The following WDR59 variants were observed in gnomAD, a reference collection of about 807,000 sequenced individuals.
WDR59 encodes the protein WD repeat domain 59.
Under a neutral mutation model 131.2 loss-of-function variants are expected in WDR59, and 100 were observed. The observed-to-expected ratio is 0.76, with a 90% CI of 0.65 to 0.90. The LOEUF (loss-of-function observed/expected upper bound fraction) is 0.90, where lower values mean the gene tolerates loss of function less well. Ranked by LOEUF, WDR59 falls within the 40% of genes least tolerant of loss-of-function variation. The pLI is 0.00. For synonymous variants in WDR59, 601 were observed against 466.2 expected, an observed-to-expected ratio of 1.29 and a Z score of -3.72; for missense variants, 1,203 against 1,262.2, an observed-to-expected ratio of 0.95 and a Z score of 0.71.
intron 1 of WDR59, among the ~76,000 whole-genome samples, chr16:74,974,148 C>T (rs958207633): frequency 2.6e-5 from 4 of 151,928 alleles, no homozygotes; most frequent in East Asian, 1.9e-4. Context: ...CCAACATGGG[C>T]GAAAAGCAAG....
intron 6 of WDR59, among the ~76,000 whole-genome samples, chr16:74,943,972 A>G (rs11149785): frequency 0.5 from 75,697 of 152,046 alleles, 20,531 homozygotes; most frequent in African/African-American, 0.7. Context: ...GAAGCAAGGA[A>G]GAGTATTAGG....
intron 25 of WDR59, among the ~76,000 whole-genome samples, chr16:74,877,646 G>C (rs1351026042): frequency 6.6e-6 from 1 of 152,144 alleles, no homozygotes; most frequent in African/African-American, 2.4e-5. Context: ...CCTGATTCAA[G>C]CGATTCTTCT....
At chr16:74,933,796 G>A (rs1004698538) in intron 8 of WDR59, among the ~76,000 whole-genome samples, 3 of 152,294 alleles carry the variant, frequency 2.0e-5, no homozygotes, top group African/African-American at 7.2e-5. Flanking sequence ...TGTTAGTGGG[G>A]CTAGTCACGA....
chr16:74,964,839 G>C (rs1567437409), intron 2 of WDR59, among the ~76,000 whole-genome samples: 1 of 152,060 alleles, frequency 6.6e-6, no homozygotes, highest in Non-Finnish European at 1.5e-5. Context: ...AAGGCAGGTA[G>C]ATCACCTGAG....
At chr16:74,898,561 T>TG (rs1965399971) in intron 18 of WDR59, among the ~76,000 whole-genome samples, 1 of 151,776 alleles carries the variant, frequency 6.6e-6, no homozygotes, top group African/African-American at 2.4e-5. Flanking sequence ...GGGTGGGGGT[T>TG]GGGGGGCAGG....
At chr16:74,908,998 T>G (rs201679463) in intron 16 of WDR59, 21 bp from the exon 17 acceptor site, 15 of 1,608,966 alleles carry the variant, frequency 9.3e-6, no homozygotes, top group Non-Finnish European at 1.3e-5. Context: ...AGACATCACA[T>G]GAGCCATCAG....
chr16:74,922,267 G>C lies in WDR59; in HGVS notation c.730-164C>G, dbSNP rs535826284. On this transcript the variant is annotated intron_variant, in intron 9 of 25. Coordinates refer to ENST00000262144, the MANE Select transcript of WDR59 (RefSeq NM_030581.4). ...TCCCAAACACCATAGGCTGCACATC[G>C]CGTCTACTTTTCTCTTTGCTTATGG... Among the ~76,000 whole-genome samples, 31 of 152,254 alleles carry C rather than the reference G, an allele frequency of 2.0e-4. No individual in the cohort carries two copies. The South Asian group carries it at 4.6e-3, about 22-fold the overall frequency.
intron 1 of WDR59, among the ~76,000 whole-genome samples, chr16:74,977,227 G>A (rs1000303562): frequency 4.6e-5 from 7 of 151,328 alleles, no homozygotes; most frequent in African/African-American, 7.3e-5. Flanking sequence ...CAGTAACAGC[G>A]AGATCGCATC....
At chr16:74,884,103 G>C (rs1190718830) in intron 25 of WDR59, among the ~76,000 whole-genome samples, 1 of 152,200 alleles carries the variant, frequency 6.6e-6, no homozygotes, top group East Asian at 1.9e-4. Context: ...GTCACACTGA[G>C]TCTAGCTCTA....
intron 2 of WDR59, among the ~76,000 whole-genome samples, chr16:74,958,931 T>C (rs2033438785): frequency 1.3e-5 from 2 of 151,778 alleles, no homozygotes; most frequent in Non-Finnish European, 1.5e-5. Flanking sequence ...TGGTGGTGCA[T>C]GCCTGTAATC....
At chr16:74,886,198 T>A in intron 24 of WDR59, 72 bp downstream of exon 24, 1 of 1,032,912 alleles carries the variant, frequency 9.7e-7, no homozygotes, top group Non-Finnish European at 1.4e-6. Flanking sequence ...AAAGTAAGAG[T>A]TGTGATTGTG....
chr16:74,958,774 C>A (rs910652500), intron 2 of WDR59, among the ~76,000 whole-genome samples: 7 of 151,802 alleles, frequency 4.6e-5, no homozygotes, highest in Non-Finnish European at 8.8e-5. Context: ...TGAAAGACCA[C>A]TAAGGAGGCC....
At chr16:74,979,126 A>T (rs916355014) in intron 1 of WDR59, 1 of 152,160 alleles carries the variant, frequency 6.6e-6, no homozygotes, top group African/African-American at 2.4e-5. Flanking sequence ...AATGCCATAA[A>T]ATTGAAAATA....
At chr16:74,876,967 T>A (rs1814434372) in intron 25 of WDR59, among the ~76,000 whole-genome samples, 1 of 151,998 alleles carries the variant, frequency 6.6e-6, no homozygotes, top group African/African-American at 2.4e-5. Context: ...GTTCCAGGTT[T>A]TCTCTGGGTC....
intron 1 of WDR59, among the ~76,000 whole-genome samples, chr16:74,975,750 T>G (rs1241877177): frequency 1.3e-5 from 2 of 151,926 alleles, no homozygotes; most frequent in Admixed American, 6.6e-5. Context: ...CAAGATCACA[T>G]GGAAGACAGG....
chr16:74,928,017 C>G (rs1290966713), intron 8 of WDR59, among the ~76,000 whole-genome samples: 1 of 149,594 alleles, frequency 6.7e-6, no homozygotes, highest in African/African-American at 2.5e-5. Context: ...AAGCGAATCT[C>G]CTGCCTCAGC....
Position 74,965,868 on chromosome 16 carries a change from G to C in WDR59, c.55-46C>G. The C allele has an allele frequency of 5.0e-6, 8 of 1,609,414 alleles. No individual in the cohort carries two copies. The South Asian group carries it at 8.8e-5, about 18-fold the overall frequency. ...TCAGTGCTGCCAGCAAACCCAGCCG[G>C]GGATAGAAGGCAGAGGTCTCTGTGG... On this transcript the variant is annotated intron_variant, in intron 1 of 25. Transcript: ENST00000262144.
chr16:74,937,401 T>A (rs2031888908), intron 8 of WDR59, among the ~76,000 whole-genome samples: 1 of 152,256 alleles, frequency 6.6e-6, no homozygotes, highest in East Asian at 1.9e-4. Context: ...CCACCAGGAA[T>A]AGACTAATTG....
chr16:74,979,756 G>T (rs1056392040), intron 1 of WDR59, among the ~76,000 whole-genome samples: 1 of 148,844 alleles, frequency 6.7e-6, no homozygotes, highest in Non-Finnish European at 1.5e-5. Context: ...GGCCAGGCTG[G>T]TCTCGAACTC....
Sources: gnomAD v4.1 joint callset for allele counts (sites outside exome capture counted in the v4.1 genomes callset) on GRCh38, gnomAD v4.1.1 for gene constraint, MANE v1.5 for transcripts, NCBI Gene and HGNC (gene_info 2026-07-23, HGNC 2026-07-21) for gene names.